Variants in HMCN1 observed in about 807,000 individuals in gnomAD.
HMCN1 encodes hemicentin 1, also known as hemicentin-1.
HMCN1 carries 321 observed loss-of-function variants against 625.9 expected under a neutral mutation model. The ratio of observed to expected loss-of-function variants is 0.51; its 90% CI spans 0.47 to 0.56. The LOEUF is 0.56. Ranked by LOEUF, HMCN1 falls within the 20% of genes least tolerant of loss-of-function variation. The pLI is 0.00. For synonymous variants in HMCN1, 2,425 were observed against 2,417.6 expected, an observed-to-expected ratio of 1.00 and a Z score of -0.09; for missense variants, 6,588 against 6,887.3, an observed-to-expected ratio of 0.96 and a Z score of 1.54.
chr1:186,144,248 C>T lies in HMCN1; in HGVS notation c.14000C>T (p.Ala4667Val). Residue 4667 changes from alanine (A) to valine (V), a missense_variant, in exon 90 of 107, where the codon GCA (alanine) becomes GTA (valine). Physicochemically the swap from Ala to Val is moderately conservative, Grantham distance 64. Around this residue, in one of 3 missense-constraint regions of HMCN1, gnomAD observed 1,954 missense variants for 2,013.1 expected, o/e 0.97. Coordinates refer to ENST00000271588, the MANE Select transcript of HMCN1 (RefSeq NM_031935.3). ...TGTGGGAAAGGTACTCAGACAAGAG[C>T]AAGACTTTGTAATAACCCACCACCA... is the stretch of plus-strand genomic sequence containing the variant. Reference protein sequence around the residue: ...ESCGKGTQTRARLCNNPPPAF... With the variant: ...ESCGKGTQTRVRLCNNPPPAF... 1 of 1,613,896 alleles carries T rather than the reference C, an allele frequency of 6.2e-7. No individual in the cohort carries two copies. Among genetic ancestry groups the T allele is most frequent in the Non-Finnish European group, 8.5e-7 (1 of 1,179,914 alleles).
chr1:185,824,148 C>T (rs758598329), intron 1 of HMCN1, among the ~76,000 whole-genome samples: 28 of 152,172 alleles, frequency 1.8e-4, no homozygotes, highest in Admixed American at 5.2e-4. Context: ...TTGTTTAATA[C>T]TCTGAATAAC....
At position 185,792,574 on chromosome 1, in the gene HMCN1, A is replaced by T. The variant is rs189913038; in HGVS notation, c.269-53452A>T. Reference sequence around the variant, plus strand: ...GCATTTTTAAAAAAAAAGTAAAAATAAAATTTTAAAATTCATTATATGGAT... The same window carrying T: ...GCATTTTTAAAAAAAAAGTAAAAATTAAATTTTAAAATTCATTATATGGAT... On this transcript the variant is annotated intron_variant, in intron 1 of 106. Coordinates refer to ENST00000271588, the MANE Select transcript of HMCN1 (RefSeq NM_031935.3). Among the ~76,000 whole-genome samples, 226 of 152,354 alleles carry T rather than the reference A, an allele frequency of 1.5e-3. 1 individual carries two copies. Among genetic ancestry groups the T allele is most frequent in the East Asian group, 9.3e-3 (48 of 5,186 alleles).
chr1:185,839,920 C>T (rs1181066006), intron 1 of HMCN1, among the ~76,000 whole-genome samples: 1 of 152,162 alleles, frequency 6.6e-6, no homozygotes, highest in African/African-American at 2.4e-5. Flanking sequence ...AGATAATATG[C>T]TGTGCATGAA....
At chr1:185,923,734 C>G (rs1309087955) in intron 8 of HMCN1, 81 bp downstream of exon 8, 12 of 1,167,706 alleles carry the variant, frequency 1.0e-5, no homozygotes, top group African/African-American at 1.5e-5. Flanking sequence ...AACGGACTAT[C>G]AAATAAAAAA....
At chr1:185,993,375 G>A in intron 23 of HMCN1, 66 bp downstream of exon 23, 1 of 1,580,584 alleles carries the variant, frequency 6.3e-7, no homozygotes, top group South Asian at 1.1e-5. Flanking sequence ...CGTAATCCTA[G>A]TTTATTTGAT....
chr1:186,121,413 A>G (rs1661391900), intron 80 of HMCN1, among the ~76,000 whole-genome samples: 1 of 152,156 alleles, frequency 6.6e-6, no homozygotes, highest in Non-Finnish European at 1.5e-5. Flanking sequence ...TGGAGATGGG[A>G]GCACAAATTG....
chr1:185,800,796 G>A (rs1658742741), intron 1 of HMCN1, among the ~76,000 whole-genome samples: 2 of 151,994 alleles, frequency 1.3e-5, no homozygotes, highest in African/African-American at 4.8e-5. Flanking sequence ...AAAATATTTG[G>A]CCATCTATGA....
At chr1:186,151,826 A>G in intron 95 of HMCN1, 83 bp downstream of exon 95, 1 of 1,404,364 alleles carries the variant, frequency 7.1e-7, no homozygotes, top group Admixed American at 1.9e-5. Flanking sequence ...GTGTTCCCAC[A>G]TAGAATAATT....
In HMCN1 at chr1:186,172,113, G is replaced by A. The variant is rs573815691; in HGVS notation, c.15796G>A (p.Glu5266Lys). The change falls in exon 102 of 107, where the codon GAA (glutamate) becomes AAA (lysine). Residue 5266 changes from glutamate (E) to lysine (K), a missense_variant. Glu to Lys is a moderately conservative substitution (Grantham distance 56). Transcript: ENST00000271588. ...TTGTCCAAATGGAATGACCAAGGCA[G>A]AAAATGGAACCTGTATTGGTGAGTG... ...DLCPNGMTKA[E>K]NGTCIDIDEC... 2.5e-6 allele frequency: 4 copies of A among 1,613,842 alleles called. No individual in the cohort carries two copies. Among genetic ancestry groups the A allele is most frequent in the African/African-American group, 1.3e-5 (1 of 75,040 alleles).
chr1:186,120,424 G>A (rs1033091809), intron 80 of HMCN1, among the ~76,000 whole-genome samples: 1 of 152,156 alleles, frequency 6.6e-6, no homozygotes, highest in African/African-American at 2.4e-5. Context: ...GCATATGTAT[G>A]ATGTGATTGT....
At chr1:186,115,157 G>A (rs1661075407) in intron 74 of HMCN1, 101 bp from the exon 75 acceptor site, 14 of 1,465,424 alleles carry the variant, frequency 9.6e-6, no homozygotes, top group Middle Eastern at 1.7e-4. Flanking sequence ...TCATAACTAT[G>A]AGGCAAGTTA....
Position 186,108,655 on chromosome 1 carries a change from C to T in HMCN1, c.10989+58C>T. The T allele has an allele frequency of 2.5e-6, 4 of 1,595,766 alleles. No individual in the cohort carries two copies. The South Asian group carries it at 3.4e-5, about 13-fold the overall frequency. Reference sequence around the variant, plus strand: ...TTTGAGATGAAAAAAGTAAAAAAATCAGCTCTAGGGCCTTTGCTGGGTACA... The same window carrying T: ...TTTGAGATGAAAAAAGTAAAAAAATTAGCTCTAGGGCCTTTGCTGGGTACA... On this transcript the variant is annotated intron_variant, in intron 71 of 106. Coordinates refer to ENST00000271588, the MANE Select transcript of HMCN1 (RefSeq NM_031935.3).
Position 186,019,626 on chromosome 1 carries a change from G to A in HMCN1, c.5556G>A (p.Gly1852=), listed in dbSNP as rs771819699. The A allele has an allele frequency of 6.8e-6, 11 of 1,611,722 alleles. No homozygotes were observed. Among genetic ancestry groups the A allele is most frequent in the East Asian group, 4.5e-5 (2 of 44,800 alleles). ...TCGCCTTGCAGTGCATAGCCAATGG[G>A]ATTCCAAATCCTTCCATTACATGGT... ...KPVALQCIAN[G]IPNPSITWLK... The change falls in exon 35 of 107, where the codon GGG becomes GGA. Residue 1852 remains glycine (G), a synonymous_variant. Transcript: ENST00000271588.
In HMCN1 at chr1:186,085,046, G is replaced by T. The variant is rs115927923; in HGVS notation, c.8885-1200G>T. 4.7e-3 allele frequency among the ~76,000 whole-genome samples: 712 copies of T among 152,158 alleles called. 5 individuals carry two copies. Among genetic ancestry groups the T allele is most frequent in the African/African-American group, 0.016 (650 of 41,526 alleles). Reference sequence around the variant, plus strand: ...ACATCTGTACGCTACCTGCACTTAGGTAGCTCACCATGGCTGAAGGAAATC... The same window carrying T: ...ACATCTGTACGCTACCTGCACTTAGTTAGCTCACCATGGCTGAAGGAAATC... On this transcript the variant is annotated intron_variant, in intron 57 of 106. Transcript: ENST00000271588.
In HMCN1 at chr1:186,189,814, A is replaced by G. The variant is rs376059462; in HGVS notation, c.16844A>G (p.Asn5615Ser). 4.3e-5 allele frequency: 70 copies of G among 1,613,766 alleles called. No homozygotes were observed. Among genetic ancestry groups the G allele is most frequent in the Non-Finnish European group, 5.7e-5 (67 of 1,179,866 alleles). ...GTCCGAGCCTCATCCTACAGTGCCA[A>G]TGGGACCATTGAATATCAGACCACA... ...MRVRASSYSA[N>S]GTIEYQTTFI... The change falls in exon 107 of 107, where the codon AAT becomes AGT. Residue 5615 changes from asparagine to serine, a missense_variant. By Grantham distance (46) the Asn-to-Ser change is conservative (BLOSUM62 1). Transcript: ENST00000271588.
intron 98 of HMCN1, among the ~76,000 whole-genome samples, chr1:186,165,837 C>T (rs1651844344): frequency 6.6e-6 from 1 of 151,904 alleles, no homozygotes; most frequent in African/African-American, 2.4e-5. Flanking sequence ...TCAGTTTTGT[C>T]CTGCAAAATA....
rs762258823 is a variant in HMCN1 at position 186,173,640 on chromosome 1, C to CAAAAAAA, written c.15815-865_15815-859dup. Among the ~76,000 whole-genome samples the CAAAAAAA allele has an allele frequency of 6.4e-3, 474 of 74,484 alleles. 9 individuals carry two copies. Among genetic ancestry groups the CAAAAAAA allele is most frequent in the African/African-American group, 0.021 (407 of 19,812 alleles). The allele number at this position is 74,484 out of a possible 152,430, so 48.9% of individuals were successfully genotyped here. ...TGGGTGACAGAGCGAGACTCCATCT[C>CAAAAAAA]AAAAAAAAAAAAAAAGAAAAAAGAA... On this transcript the variant is annotated intron_variant, in intron 102 of 106. Transcript: ENST00000271588.
rs146317758 is a variant in HMCN1 at position 186,136,789 on chromosome 1, C to T, written c.13434C>T (p.His4478=). ...QPTITWSRQG[H]SISWDDRVNV... Reference sequence around the variant, plus strand: ...CCATTACATGGTCCCGTCAAGGGCACTCTATTTCCTGGGATGACCGGGTTA... The same window carrying T: ...CCATTACATGGTCCCGTCAAGGGCATTCTATTTCCTGGGATGACCGGGTTA... The change falls in exon 87 of 107, where the codon CAC becomes CAT. Residue 4478 remains histidine, a synonymous_variant. Transcript: ENST00000271588. 4.3e-6 allele frequency: 7 copies of T among 1,613,924 alleles called. No homozygotes were observed. The African/African-American group carries it at 8.0e-5, about 18-fold the overall frequency.
rs780619432 is a variant in HMCN1, at chr1:186,137,557, G to A, written c.13642G>A (p.Gly4548Ser). ...WRACSVTCGK[G>S]IQKRSRLCNQ... ...AGCCTGCAGTGTCACCTGTGGAAAA[G>A]GCATCCAAAAGAGGAGTCGTCTGTG... Residue 4548 changes from glycine to serine, a missense_variant, in exon 88 of 107, where the codon GGC becomes AGC. Gly to Ser is a moderately conservative substitution (Grantham distance 56). This residue lies in a region of HMCN1 where 1,954 missense variants were observed against 2,013.1 expected (regional missense o/e 0.97). Coordinates refer to ENST00000271588, the MANE Select transcript of HMCN1 (RefSeq NM_031935.3). 5.0e-6 allele frequency: 8 copies of A among 1,613,862 alleles called. No homozygotes were observed. The highest frequency in any genetic ancestry group is 2.7e-5 in the African/African-American group (2 of 75,032).
Sources: gnomAD v4.1 joint callset for allele counts (sites outside exome capture counted in the v4.1 genomes callset) on GRCh38, gnomAD v4.1.1 for gene constraint, gnomAD v4.1.1 regional missense constraint, MANE v1.5 for transcripts, NCBI Gene and HGNC (gene_info 2026-07-23, HGNC 2026-07-21) for gene names.